ERC2: variants seen among roughly 807,000 people sequenced by gnomAD.
The protein encoded by ERC2 is ELKS/RAB6-interacting/CAST family member 2.
A neutral mutation model predicts 114.8 loss-of-function variants in ERC2; 42 were observed. That is an observed-to-expected ratio of 0.37 (90% CI 0.29 to 0.47). The LOEUF (loss-of-function observed/expected upper bound fraction) is 0.47, where lower values mean the gene tolerates loss of function less well. Among genes scored for constraint, ERC2 ranks in the 20% least tolerant of loss-of-function variants. The probability of loss-of-function intolerance (pLI) is 0.99; values close to 1 mark genes in which losing one functional copy is unlikely to be tolerated. For synonymous variants in ERC2, 454 were observed against 425.5 expected (o/e 1.07, Z -0.82); for missense variants, 939 against 1,150.7 (o/e 0.82, Z 2.66).
intron 3 of ERC2, among the ~76,000 whole-genome samples, chr3:56,174,462 G>A (rs984410119): frequency 6.6e-6 from 1 of 152,110 alleles, no homozygotes; most frequent in African/African-American, 2.4e-5. Flanking sequence ...GGTCACCTAT[G>A]GAATAATTCT....
intron 3 of ERC2, among the ~76,000 whole-genome samples, chr3:56,229,922 G>A (rs6782312): frequency 0.58 from 83,202 of 143,936 alleles, 24,638 homozygotes; most frequent in East Asian, 0.86. Context: ...CTCAGGCTGG[G>A]GTACAGTGGC....
chr3:55,962,111 T>C (rs2068427159), intron 12 of ERC2, among the ~76,000 whole-genome samples: 1 of 152,150 alleles, frequency 6.6e-6, no homozygotes, highest in Non-Finnish European at 1.5e-5. Flanking sequence ...AAAATTAAAC[T>C]GGAAATCTAA....
intron 17 of ERC2, among the ~76,000 whole-genome samples, chr3:55,532,641 C>T (rs2053742860): frequency 6.6e-6 from 1 of 152,172 alleles, no homozygotes; most frequent in Non-Finnish European, 1.5e-5. Flanking sequence ...ACACAGAGGA[C>T]TGAACAGGTC....
intron 15 of ERC2, among the ~76,000 whole-genome samples, chr3:55,703,093 T>C (rs979806102): frequency 4.6e-5 from 7 of 152,208 alleles, no homozygotes; most frequent in Non-Finnish European, 1.0e-4. Flanking sequence ...CGCCACCTTA[T>C]TTCTCTGGGG....
intron 14 of ERC2, among the ~76,000 whole-genome samples, chr3:55,814,070 C>T (rs558431166): frequency 2.6e-5 from 4 of 152,282 alleles, no homozygotes. Flanking sequence ...CATTTATAAA[C>T]ATTTTTGCAA....
At chr3:55,746,926 A>T (rs1559589602) in intron 14 of ERC2, among the ~76,000 whole-genome samples, 1 of 152,188 alleles carries the variant, frequency 6.6e-6, no homozygotes, top group Non-Finnish European at 1.5e-5. Flanking sequence ...AGGCATCCTC[A>T]AAGATGCTCA....
chr3:56,456,829 T>G (rs2063082816), intron 1 of ERC2, among the ~76,000 whole-genome samples: 1 of 152,224 alleles, frequency 6.6e-6, no homozygotes, highest in Non-Finnish European at 1.5e-5. Flanking sequence ...CTAAAACTAC[T>G]TGTCGGCAGG....
chr3:56,051,301 T>C (rs1161556699), intron 7 of ERC2, among the ~76,000 whole-genome samples: 1 of 152,330 alleles, frequency 6.6e-6, no homozygotes, highest in Non-Finnish European at 1.5e-5. Context: ...TTTAACATTT[T>C]TCATTTCAAA....
rs139258702 is a variant in ERC2, at chr3:55,855,943, C to T, written c.2564+32446G>A. Reference sequence around the variant, plus strand: ...GGTGAATAATAATATATTTGGCCATCGACCTCCAGGCTGCAGCAGTCCATT... The same window carrying T: ...GGTGAATAATAATATATTTGGCCATTGACCTCCAGGCTGCAGCAGTCCATT... On this transcript the variant is annotated intron_variant, in intron 14 of 17. Transcript: ENST00000288221. Among the ~76,000 whole-genome samples the T allele has an allele frequency of 1.8e-3, 277 of 152,270 alleles. 1 individual carries two copies. The highest frequency in any genetic ancestry group is 6.5e-3 in the African/African-American group (271 of 41,538).
At chr3:56,433,505 G>C (rs1279541919) in intron 2 of ERC2, among the ~76,000 whole-genome samples, 6 of 152,216 alleles carry the variant, frequency 3.9e-5, no homozygotes, top group Non-Finnish European at 8.8e-5. Flanking sequence ...ACCAGGCAGT[G>C]GTACAGAAAG....
intron 12 of ERC2, among the ~76,000 whole-genome samples, chr3:55,954,169 T>C (rs2067784392): frequency 1.4e-5 from 2 of 139,924 alleles, no homozygotes; most frequent in Non-Finnish European, 3.1e-5. Flanking sequence ...TACGAATACA[T>C]GCAAAATGCA....
chr3:56,018,600 G>A (rs1405967281), intron 8 of ERC2, among the ~76,000 whole-genome samples: 1 of 152,152 alleles, frequency 6.6e-6, no homozygotes, highest in African/African-American at 2.4e-5. Context: ...AGGGACCCTG[G>A]GGGCCAGGTA....
At chr3:55,761,111 T>C (rs2067398872) in intron 14 of ERC2, among the ~76,000 whole-genome samples, 1 of 152,190 alleles carries the variant, frequency 6.6e-6, no homozygotes, top group African/African-American at 2.4e-5. Flanking sequence ...TTGACACTGA[T>C]AATACAAACG....
chr3:55,548,787 C>T (rs2054940197), intron 17 of ERC2, among the ~76,000 whole-genome samples: 1 of 152,054 alleles, frequency 6.6e-6, no homozygotes, highest in Admixed American at 6.5e-5. Context: ...ACCAGGCAGG[C>T]TTCTTAGGAG....
intron 17 of ERC2, among the ~76,000 whole-genome samples, chr3:55,643,677 T>A (rs1158807065): frequency 1.3e-5 from 2 of 152,178 alleles, no homozygotes; most frequent in Non-Finnish European, 2.9e-5. Context: ...AGAGAAAACT[T>A]TAGCTATTAT....
intron 13 of ERC2, among the ~76,000 whole-genome samples, chr3:55,939,245 T>A (rs13071802): frequency 6.6e-6 from 1 of 152,214 alleles, no homozygotes; most frequent in African/African-American, 2.4e-5. Flanking sequence ...TAATAAAGTA[T>A]CACCGCAGAA....
rs138901516 is a variant in ERC2, at chr3:55,920,483, C to T, written c.2403+29942G>A. 7.3e-5 allele frequency among the ~76,000 whole-genome samples: 11 copies of T among 151,212 alleles called. No homozygotes were observed. The East Asian group carries it at 2.0e-3, about 27-fold the overall frequency. ...AAGGATATTGCTAACTGTCCAAAAACTCAACAGGCATCTGGGTGATGGGCT... is the reference window on the plus strand; with the variant it reads ...AAGGATATTGCTAACTGTCCAAAAATTCAACAGGCATCTGGGTGATGGGCT... On this transcript the variant is annotated intron_variant, in intron 13 of 17. Coordinates refer to ENST00000288221, the MANE Select transcript of ERC2 (RefSeq NM_015576.3).
At chr3:55,779,641 C>G (rs2068884085) in intron 14 of ERC2, among the ~76,000 whole-genome samples, 1 of 151,526 alleles carries the variant, frequency 6.6e-6, no homozygotes, top group Non-Finnish European at 1.5e-5. Flanking sequence ...GCAACACTTG[C>G]AAAAAAAACC....
intron 17 of ERC2, among the ~76,000 whole-genome samples, chr3:55,534,421 T>C (rs1488366708): frequency 1.4e-5 from 2 of 146,750 alleles, no homozygotes; most frequent in African/African-American, 5.0e-5. Flanking sequence ...AGGCCAGGCT[T>C]GGTGGCTCCC....
Sources: gnomAD v4.1 joint callset for allele counts (sites outside exome capture counted in the v4.1 genomes callset) on GRCh38, gnomAD v4.1.1 for gene constraint, MANE v1.5 for transcripts, NCBI Gene and HGNC (gene_info 2026-07-23, HGNC 2026-07-21) for gene names.